The following DCAF5 variants were observed in gnomAD, a reference collection of about 807,000 sequenced individuals.
DCAF5 encodes DDB1- and CUL4-associated factor 5.
DCAF5 carries 9 observed loss-of-function variants against 80.7 expected under a neutral mutation model. The ratio of observed to expected loss-of-function variants is 0.11; its 90% CI spans 0.07 to 0.19. The LOEUF (loss-of-function observed/expected upper bound fraction) is 0.19. Ranked by LOEUF, DCAF5 falls within the 10% of genes least tolerant of loss-of-function variation. DCAF5 has a pLI of 1.00. For missense variants in DCAF5, 842 were observed against 1,205.7 expected (o/e 0.70, Z 4.47); for synonymous variants, 433 against 461.9 (o/e 0.94, Z 0.80).
At chr14:69,093,688 C>T (rs2039605359) in intron 5 of DCAF5, among the ~76,000 whole-genome samples, 1 of 152,174 alleles carries the variant, frequency 6.6e-6, no homozygotes, top group Non-Finnish European at 1.5e-5. Context: ...GTCCTGTGTC[C>T]CCCAAAGCAG....
Position 69,114,846 on chromosome 14 carries a change from T to A in DCAF5, c.665+1520A>T, listed in dbSNP as rs146557811. ...GCCCATATAATGCACGGTAAGAAAC[T>A]GGTGGAAGAGAATGGGAGAGAATTG... is the stretch of plus-strand genomic sequence containing the variant. On this transcript the variant is annotated intron_variant, in intron 5 of 8. Coordinates refer to ENST00000341516, the MANE Select transcript of DCAF5 (RefSeq NM_003861.3). 2.4e-3 allele frequency among the ~76,000 whole-genome samples: 360 copies of A among 152,160 alleles called. 1 individual carries two copies. The highest frequency in any genetic ancestry group is 4.2e-3 in the Non-Finnish European group (288 of 68,006).
chr14:69,146,508 T>C (rs1212075111), intron 1 of DCAF5, among the ~76,000 whole-genome samples: 1 of 152,214 alleles, frequency 6.6e-6, no homozygotes, highest in Non-Finnish European at 1.5e-5. Flanking sequence ...ACAGGCCTTC[T>C]TTCTTTCCCA....
At chr14:69,131,635 T>C (rs2140093661) in intron 1 of DCAF5, among the ~76,000 whole-genome samples, 1 of 152,284 alleles carries the variant, frequency 6.6e-6, no homozygotes, top group Middle Eastern at 3.4e-3. Flanking sequence ...TCCAAAGAGC[T>C]TGGCCTGGAG....
intron 1 of DCAF5, among the ~76,000 whole-genome samples, chr14:69,130,977 A>G (rs1350746575): frequency 6.6e-6 from 1 of 152,204 alleles, no homozygotes; most frequent in Non-Finnish European, 1.5e-5. Flanking sequence ...GTGTGGTGAG[A>G]TAATGTTTGT....
At chr14:69,131,519 G>A (rs2140093455) in intron 1 of DCAF5, among the ~76,000 whole-genome samples, 1 of 152,256 alleles carries the variant, frequency 6.6e-6, no homozygotes, top group East Asian at 1.9e-4. Context: ...ATTTGTATAG[G>A]AATTCAATCA....
chr14:69,119,810 T>G (rs1366301288), intron 2 of DCAF5, among the ~76,000 whole-genome samples: 1 of 152,168 alleles, frequency 6.6e-6, no homozygotes, highest in African/African-American at 2.4e-5. Flanking sequence ...TTTATTTTTT[T>G]TCTTTTTCAG....
chr14:69,071,047 C>G (rs960623423), intron 7 of DCAF5, among the ~76,000 whole-genome samples: 2 of 152,180 alleles, frequency 1.3e-5, no homozygotes, highest in Non-Finnish European at 2.9e-5. Flanking sequence ...ATCTGCCCCC[C>G]TCAGCCTCCC....
At chr14:69,150,783 T>C (rs1357823139) in intron 1 of DCAF5, among the ~76,000 whole-genome samples, 1 of 151,652 alleles carries the variant, frequency 6.6e-6, no homozygotes, top group Non-Finnish European at 1.5e-5. Context: ...TCCCAGCTAC[T>C]TGGGAGGCTG....
chr14:69,090,019 T>G, intron 6 of DCAF5: 1 of 985,458 alleles, frequency 1.0e-6, no homozygotes, highest in Non-Finnish European at 1.2e-6. Context: ...AAACACAACC[T>G]GAAGAAAATC....
intron 1 of DCAF5, among the ~76,000 whole-genome samples, chr14:69,138,785 T>C (rs909967184): frequency 2.6e-5 from 4 of 152,162 alleles, no homozygotes; most frequent in African/African-American, 9.7e-5. Flanking sequence ...ATCAGAAGCC[T>C]AAGATCACAA....
At chr14:69,084,011 A>G (rs2039218621) in intron 6 of DCAF5, 33 of 781,848 alleles carry the variant, frequency 4.2e-5, no homozygotes. Flanking sequence ...AAAGTATCAG[A>G]CCACCTCTGG....
chr14:69,116,770 G>A (rs908263849), intron 4 of DCAF5, among the ~76,000 whole-genome samples: 4 of 151,914 alleles, frequency 2.6e-5, no homozygotes, highest in African/African-American at 4.8e-5. Context: ...AAACAGAAAC[G>A]GCCACTAAAA....
At chr14:69,110,431 A>G (rs987101087) in intron 5 of DCAF5, among the ~76,000 whole-genome samples, 1 of 149,440 alleles carries the variant, frequency 6.7e-6, no homozygotes, top group Non-Finnish European at 1.5e-5. Flanking sequence ...ACGCCCCACT[A>G]ATTTTCCTAT....
At chr14:69,092,775 G>A (rs2139973287) in intron 5 of DCAF5, among the ~76,000 whole-genome samples, 1 of 152,242 alleles carries the variant, frequency 6.6e-6, no homozygotes, top group Non-Finnish European at 1.5e-5. Context: ...TTTAAATGCA[G>A]AGCAAGCAGT....
intron 6 of DCAF5, among the ~76,000 whole-genome samples, chr14:69,079,078 C>G (rs941755263): frequency 4.4e-5 from 6 of 136,102 alleles, no homozygotes; most frequent in African/African-American, 7.5e-5. Flanking sequence ...TTCCTGCTAC[C>G]CTGCCCCCCA....
chr14:69,071,827 T>G (rs1178796614), intron 7 of DCAF5, among the ~76,000 whole-genome samples: 1 of 152,206 alleles, frequency 6.6e-6, no homozygotes, highest in African/African-American at 2.4e-5. Flanking sequence ...TTTATAGCTA[T>G]GCATTAATTG....
At chr14:69,131,041 T>C (rs974392143) in intron 1 of DCAF5, among the ~76,000 whole-genome samples, 1 of 152,204 alleles carries the variant, frequency 6.6e-6, no homozygotes, top group Non-Finnish European at 1.5e-5. Context: ...TCTCAAATTG[T>C]CCTTGTGTCC....
At chr14:69,092,595 G>C (rs1230154147) in intron 5 of DCAF5, among the ~76,000 whole-genome samples, 1 of 152,156 alleles carries the variant, frequency 6.6e-6, no homozygotes, top group East Asian at 1.9e-4. Context: ...TCCAGCCTGG[G>C]TGAGAGAACA....
rs1333489075 is a variant in DCAF5, at chr14:69,118,091, A to G, written c.535+48T>C. On this transcript the variant is annotated intron_variant, in intron 4 of 8. Coordinates refer to ENST00000341516, the MANE Select transcript of DCAF5 (RefSeq NM_003861.3). This position sits in a 1 kb window ranked among gnomAD's most constrained non-coding sequence, Gnocchi z 4.0. Reference sequence around the variant, plus strand: ...AAATTGGATCTTCAATGAATCTGACATCAAACTGTTCAACACAGTCCAACA... The same window carrying G: ...AAATTGGATCTTCAATGAATCTGACGTCAAACTGTTCAACACAGTCCAACA... 6.2e-7 allele frequency: 1 copy of G among 1,607,102 alleles called. No homozygotes were observed. The highest frequency in any genetic ancestry group is 1.7e-5 in the Admixed American group (1 of 59,718).
Sources: allele counts gnomAD v4.1 joint callset (sites outside exome capture counted in the v4.1 genomes callset), GRCh38; gene constraint gnomAD v4.1.1; non-coding constraint Gnocchi (gnomAD v3.1); transcripts MANE v1.5; gene names NCBI Gene and HGNC (gene_info 2026-07-23, HGNC 2026-07-21).